Variants in BUD23 observed in about 807,000 individuals in gnomAD.
The protein encoded by BUD23 is 18S rRNA (guanine-N(7))-methyltransferase.
Under a neutral mutation model 47.0 loss-of-function variants are expected in BUD23, and 34 were observed. That is an observed-to-expected ratio of 0.72 (90% CI 0.55 to 0.96). BUD23 has a LOEUF of 0.96. BUD23 is among the 40% of genes least tolerant of loss of function. The pLI, the probability that BUD23 is intolerant of heterozygous loss-of-function variation, is 0.00. For synonymous variants in BUD23, 124 were observed against 132.0 expected, an observed-to-expected ratio of 0.94 and a Z score of 0.41; for missense variants, 343 against 361.2, an observed-to-expected ratio of 0.95 and a Z score of 0.41.
chr7:73,697,489 G>A, intron 10 of BUD23, 116 bp from the exon 11 acceptor site: 1 of 1,566,978 alleles, frequency 6.4e-7, no homozygotes, highest in Non-Finnish European at 8.6e-7. Flanking sequence ...TTTGAGAGAA[G>A]GGGCATCCGA....
Position 73,698,009 on chromosome 7 carries a change from C to T in BUD23, c.*123C>T. The T allele has an allele frequency of 8.0e-7, 1 of 1,246,124 alleles. No homozygotes were observed. Among genetic ancestry groups the T allele is most frequent in the Non-Finnish European group, 1.1e-6 (1 of 923,386 alleles). 77.2% of individuals were successfully genotyped at this position (1,246,124 alleles called of 1,614,324 possible). ...TGTTTTCTGCAGTAAAAAAAAAGTT[C>T]TCTGGGCCGGGCGTGGTGGCTCACA... is the stretch of plus-strand genomic sequence containing the variant. On this transcript the variant is annotated 3_prime_UTR_variant, in exon 12 of 12. Coordinates refer to ENST00000265758, the MANE Select transcript of BUD23 (RefSeq NM_017528.5).
chr7:73,683,639 G>A lies in BUD23; in HGVS notation c.14G>A (p.Gly5Asp). 1 of 1,611,630 alleles carries A rather than the reference G, an allele frequency of 6.2e-7. No individual in the cohort carries two copies. Among genetic ancestry groups the A allele is most frequent in the East Asian group, 2.2e-5 (1 of 44,826 alleles). ...TGAGGCGTGAGAATGGCGTCCCGCG[G>A]CCGGCGTCCGGAGCATGGCGGACCC... MASR[G>D]RRPEHGGPPE... Residue 5 changes from glycine to aspartate, a missense_variant, in exon 1 of 12, where the codon GGC (glycine) becomes GAC (aspartate). Coordinates refer to ENST00000265758, the MANE Select transcript of BUD23 (RefSeq NM_017528.5).
At chr7:73,689,568 C>G (rs1167599950) in intron 5 of BUD23, among the ~76,000 whole-genome samples, 1 of 151,966 alleles carries the variant, frequency 6.6e-6, no homozygotes, top group Non-Finnish European at 1.5e-5. Context: ...AGGGGCTGCA[C>G]CTTGAAGGCT....
At chr7:73,690,894 G>C (rs1798166655) in intron 5 of BUD23, 22 bp from the exon 6 acceptor site, 2 of 1,609,928 alleles carry the variant, frequency 1.2e-6, no homozygotes, top group Non-Finnish European at 8.5e-7. Context: ...TCCGTTGCCT[G>C]ACTAGGTCCC....
chr7:73,697,463 T>A (rs1367699969), intron 10 of BUD23, 142 bp from the exon 11 acceptor site: 2 of 1,544,726 alleles, frequency 1.3e-6, no homozygotes, highest in South Asian at 2.4e-5. Flanking sequence ...AATTGTGTTA[T>A]AGGGAAGGTG....
At chr7:73,690,870 G>A (rs782658096) in intron 5 of BUD23, 46 bp from the exon 6 acceptor site, 1 of 1,510,276 alleles carries the variant, frequency 6.6e-7, no homozygotes, top group Non-Finnish European at 9.2e-7. Flanking sequence ...GGTTGGGGGA[G>A]CAACGTGGAT....
chr7:73,687,689 T>G (rs1798031114), intron 5 of BUD23, among the ~76,000 whole-genome samples: 1 of 152,164 alleles, frequency 6.6e-6, no homozygotes, highest in Non-Finnish European at 1.5e-5. Flanking sequence ...CTGGCCTCTT[T>G]CTTCCTGCTT....
chr7:73,691,708 T>A (rs898999289), intron 6 of BUD23, among the ~76,000 whole-genome samples: 14 of 152,030 alleles, frequency 9.2e-5, no homozygotes, highest in Non-Finnish European at 5.9e-5. Context: ...CAAGTGATCC[T>A]CCTGCTTCAG....
chr7:73,686,619 T>C lies in BUD23; in HGVS notation c.87-17T>C, dbSNP rs782663974. On this transcript the variant is annotated splice_polypyrimidine_tract_variant and intron_variant, in intron 2 of 11. Coordinates refer to ENST00000265758, the MANE Select transcript of BUD23 (RefSeq NM_017528.5). ...AGAACTCCTTTACCATGTCCACTTG[T>C]GTTTCTGCCTTACCAGCTCACGGAT... 9 of 1,613,140 alleles carry C rather than the reference T, an allele frequency of 5.6e-6. No homozygotes were observed. Among genetic ancestry groups the C allele is most frequent in the Non-Finnish European group, 5.1e-6 (6 of 1,179,150 alleles).
intron 6 of BUD23, among the ~76,000 whole-genome samples, chr7:73,691,885 G>A (rs1410068489): frequency 4.6e-5 from 7 of 152,112 alleles, no homozygotes; most frequent in Non-Finnish European, 1.0e-4. Context: ...GATTATAGGC[G>A]TAAGCCACTG....
chr7:73,693,680 C>T lies in BUD23; in HGVS notation c.642+11C>T. The T allele has an allele frequency of 4.3e-6, 7 of 1,614,180 alleles. No individual in the cohort carries two copies. The South Asian group carries it at 7.7e-5, about 18-fold the overall frequency. On this transcript the variant is annotated intron_variant, in intron 9 of 11. Coordinates refer to ENST00000265758, the MANE Select transcript of BUD23 (RefSeq NM_017528.5). ...ACCTTTATACCAGAGGTGAGGGACA[C>T]TGGGTTTGCAGGCAGGCCTGTGTCT...
intron 10 of BUD23, chr7:73,694,308 G>C: frequency 2.3e-6 from 1 of 425,880 alleles, no homozygotes; most frequent in Non-Finnish European, 4.1e-6. Flanking sequence ...TGCCACGCCT[G>C]GCAGGCTGTC....
chr7:73,688,164 A>G (rs112016011), intron 5 of BUD23, among the ~76,000 whole-genome samples: 5,341 of 151,922 alleles, frequency 0.035, 92 homozygotes, highest in African/African-American at 0.04. Flanking sequence ...CCAAAGTGCT[A>G]GGATTACAGG....
intron 7 of BUD23, chr7:73,692,884 A>G: frequency 1.8e-6 from 1 of 558,416 alleles, no homozygotes; most frequent in Non-Finnish European, 3.2e-6. Flanking sequence ...AGGTGATGCG[A>G]CTGATTTCCA....
intron 2 of BUD23, among the ~76,000 whole-genome samples, chr7:73,685,756 T>C (rs886551908): frequency 2.6e-5 from 4 of 152,118 alleles, no homozygotes; most frequent in Admixed American, 6.5e-5. Flanking sequence ...TTTGAACATA[T>C]TGAGTTAATG....
chr7:73,683,612 G>T lies in BUD23; in HGVS notation c.-14G>T. 6.2e-7 allele frequency: 1 copy of T among 1,604,546 alleles called. No homozygotes were observed. The highest frequency in any genetic ancestry group is 8.5e-7 in the Non-Finnish European group (1 of 1,176,328). The stretch of plus-strand genomic sequence containing the variant: ...GGCAGGCGCCAGTCGCAGGTGTGCT[G>T]CTGAGGCGTGAGAATGGCGTCCCGC... On this transcript the variant is annotated 5_prime_UTR_variant, in exon 1 of 12. Transcript: ENST00000265758.
Position 73,697,414 on chromosome 7 carries a change from G to A in BUD23, c.702-191G>A, listed in dbSNP as rs188028485. On this transcript the variant is annotated intron_variant, in intron 10 of 11. Coordinates refer to ENST00000265758, the MANE Select transcript of BUD23 (RefSeq NM_017528.5). ...GCCCACCCAACAACCTCTGTGGCCCGGATGGATGTTATCAGGAAGGAGGGT... is the reference window on the plus strand; with the variant it reads ...GCCCACCCAACAACCTCTGTGGCCCAGATGGATGTTATCAGGAAGGAGGGT... 133 of 1,535,304 alleles carry A rather than the reference G, an allele frequency of 8.7e-5. No individual in the cohort carries two copies. In the African/African-American group the frequency reaches 1.4e-3, roughly 17 times the overall value.
intron 8 of BUD23, 32 bp from the exon 9 acceptor site, chr7:73,693,592 C>T (rs782064601): frequency 6.2e-7 from 1 of 1,613,968 alleles, no homozygotes. Context: ...GCTTTCTCCA[C>T]CCAACCCTCA....
rs782333617 is a variant in BUD23, at chr7:73,683,777, A to T, written c.59A>T (p.Glu20Val). 6.2e-7 allele frequency: 1 copy of T among 1,614,130 alleles called. No individual in the cohort carries two copies. Among genetic ancestry groups the T allele is most frequent in the Non-Finnish European group, 8.5e-7 (1 of 1,180,036 alleles). ...TTCTCTTTTTCGCAGTTTTATGACG[A>T]GACAGAAGCCCGGAAATACGTTCGC... The part of the protein sequence containing the change: ...HGGPPELFYD[E>V]TEARKYVRNS... Residue 20 changes from glutamate to valine, a missense_variant, in exon 2 of 12, where the codon GAG becomes GTG. Coordinates refer to ENST00000265758, the MANE Select transcript of BUD23 (RefSeq NM_017528.5).
Sources: allele counts gnomAD v4.1 joint callset (sites outside exome capture counted in the v4.1 genomes callset), GRCh38; gene constraint gnomAD v4.1.1; transcripts MANE v1.5; gene names NCBI Gene and HGNC (gene_info 2026-07-23, HGNC 2026-07-21).